RGL1: variants seen among roughly 807,000 people sequenced by gnomAD.
RGL1 encodes ral guanine nucleotide dissociation stimulator like 1, also known as ral guanine nucleotide dissociation stimulator-like 1.
RGL1 carries 24 observed loss-of-function variants against 95.2 expected under a neutral mutation model. That is an observed-to-expected ratio of 0.25 (90% CI 0.18 to 0.35). The LOEUF is 0.35. Ranked by LOEUF, RGL1 falls within the 10% of genes least tolerant of loss-of-function variation. RGL1 has a pLI of 1.00. For synonymous variants in RGL1, 329 were observed against 344.9 expected, an observed-to-expected ratio of 0.95 and a Z score of 0.51; for missense variants, 715 against 936.3, an observed-to-expected ratio of 0.76 and a Z score of 3.08.
At chr1:183,890,507 C>T (rs12089853) in intron 8 of RGL1, among the ~76,000 whole-genome samples, 4 of 152,190 alleles carry the variant, frequency 2.6e-5, no homozygotes, top group African/African-American at 9.7e-5. Context: ...AGAAGTGTCA[C>T]AGTTCCTTAG....
At chr1:183,772,704 T>G (rs1231318004) in intron 2 of RGL1, among the ~76,000 whole-genome samples, 1 of 152,014 alleles carries the variant, frequency 6.6e-6, no homozygotes, top group Non-Finnish European at 1.5e-5. Context: ...ACAGTTAACA[T>G]TCTTTAAAAA....
At chr1:183,681,760 C>A (rs1653232065) in intron 1 of RGL1, among the ~76,000 whole-genome samples, 1 of 152,180 alleles carries the variant, frequency 6.6e-6, no homozygotes, top group Non-Finnish European at 1.5e-5. Context: ...ATACCACCTC[C>A]TCTATGAACC....
At chr1:183,849,395 G>T (rs1270609847) in intron 3 of RGL1, among the ~76,000 whole-genome samples, 1 of 150,906 alleles carries the variant, frequency 6.6e-6, no homozygotes, top group African/African-American at 2.4e-5. Context: ...ACGTGTAGAT[G>T]AATCTATCAT....
Position 183,731,745 on chromosome 1 carries a change from T to A in RGL1, c.-32-10381T>A, listed in dbSNP as rs191279474. Among the ~76,000 whole-genome samples the A allele has an allele frequency of 2.8e-3, 425 of 152,324 alleles. 1 individual carries two copies. Among genetic ancestry groups the A allele is most frequent in the Non-Finnish European group, 4.5e-3 (309 of 68,024 alleles). On this transcript the variant is annotated intron_variant, in intron 1 of 18. Coordinates refer to the RGL1 transcript ENST00000304685. ...AATTTCTCTGAGCTTCAGTTTCATC[T>A]GGATGGGGAATTAATACTTACCTCA...
intron 14 of RGL1, among the ~76,000 whole-genome samples, chr1:183,907,403 A>T (rs1668400376): frequency 6.6e-6 from 1 of 152,030 alleles, no homozygotes; most frequent in African/African-American, 2.4e-5. Flanking sequence ...GTTGTCTTTT[A>T]AAATGTACAC....
At chr1:183,666,139 G>A (rs1345020522) in intron 1 of RGL1, among the ~76,000 whole-genome samples, 1 of 151,320 alleles carries the variant, frequency 6.6e-6, no homozygotes. Context: ...CAGAGTAGCT[G>A]GGATTACAGG....
chr1:183,731,238 T>G (rs2102230036), intron 1 of RGL1, among the ~76,000 whole-genome samples: 1 of 152,302 alleles, frequency 6.6e-6, no homozygotes, highest in Non-Finnish European at 1.5e-5. Flanking sequence ...TAAAAATAAC[T>G]AGACTTACAG....
chr1:183,755,776 A>G, intron 2 of RGL1, among the ~76,000 whole-genome samples: 1 of 152,180 alleles, frequency 6.6e-6, no homozygotes, highest in East Asian at 1.9e-4. Context: ...AAGTGTCCAC[A>G]GGTATTTCGA....
At chr1:183,762,649 T>C (rs762661203) in intron 2 of RGL1, among the ~76,000 whole-genome samples, 11 of 152,234 alleles carry the variant, frequency 7.2e-5, no homozygotes, top group Non-Finnish European at 1.2e-4. Flanking sequence ...AAGCTCATCA[T>C]CACTGGTCAT....
intron 2 of RGL1, among the ~76,000 whole-genome samples, chr1:183,752,162 C>G (rs972681763): frequency 1.3e-5 from 2 of 152,148 alleles, no homozygotes; most frequent in Non-Finnish European, 2.9e-5. Context: ...AATTTATGCT[C>G]TCATCCACAG....
intron 2 of RGL1, among the ~76,000 whole-genome samples, chr1:183,841,756 T>G (rs1446791560): frequency 6.6e-6 from 1 of 152,228 alleles, no homozygotes; most frequent in Non-Finnish European, 1.5e-5. Context: ...AAGAAATTTA[T>G]GCAGTTGAGT....
At chr1:183,825,145 T>C (rs891239080) in intron 2 of RGL1, among the ~76,000 whole-genome samples, 2 of 152,208 alleles carry the variant, frequency 1.3e-5, no homozygotes, top group Non-Finnish European at 2.9e-5. Context: ...ACAGGGATTC[T>C]GTGAAGAACT....
chr1:183,900,412 C>T (rs1244987371), intron 11 of RGL1, among the ~76,000 whole-genome samples, 176 bp downstream of exon 11: 3 of 152,172 alleles, frequency 2.0e-5, no homozygotes, highest in African/African-American at 7.2e-5. Flanking sequence ...GGCTCAAAAT[C>T]CAGTGGAAGT....
Position 183,878,039 on chromosome 1 carries a change from A to T in RGL1, c.426-2577A>T, listed in dbSNP as rs79710361. On this transcript the variant is annotated intron_variant, in intron 4 of 17. Transcript: ENST00000360851. ...TTAAATACCTGCCTTCCAGTAGAAG[A>T]ATACTTAATTATGGTGTGTCCACAT... Among the ~76,000 whole-genome samples the T allele has an allele frequency of 3.0e-4, 45 of 152,312 alleles. 1 individual carries two copies. In the East Asian group the frequency reaches 8.5e-3, roughly 29 times the overall value.
intron 2 of RGL1, among the ~76,000 whole-genome samples, chr1:183,751,507 G>T (rs533929923): frequency 2.0e-5 from 3 of 152,152 alleles, no homozygotes; most frequent in Non-Finnish European, 2.9e-5. Flanking sequence ...TTGACCTGCT[G>T]AGTGAGACCA....
chr1:183,910,088 T>G (rs891513401), intron 14 of RGL1, among the ~76,000 whole-genome samples: 6 of 152,114 alleles, frequency 3.9e-5, no homozygotes, highest in African/African-American at 7.2e-5. Flanking sequence ...CTTTCTTCTT[T>G]CCTTCCTTCC....
chr1:183,892,929 A>C (rs1405578628), intron 9 of RGL1, among the ~76,000 whole-genome samples: 2 of 152,272 alleles, frequency 1.3e-5, no homozygotes, highest in Non-Finnish European at 2.9e-5. Context: ...GTAGATAGCC[A>C]AGACTCAGAG....
chr1:183,843,514 C>T (rs1260778831), intron 2 of RGL1, among the ~76,000 whole-genome samples: 2 of 152,176 alleles, frequency 1.3e-5, no homozygotes, highest in Non-Finnish European at 2.9e-5. Flanking sequence ...GGAAATGGGA[C>T]CCACTTCATC....
intron 3 of RGL1, among the ~76,000 whole-genome samples, chr1:183,864,712 C>A (rs966091214): frequency 1.4e-4 from 22 of 152,070 alleles, no homozygotes; most frequent in Non-Finnish European, 1.8e-4. Context: ...GGGTGGAGAC[C>A]AGTGGAAAAT....
Sources: gnomAD v4.1 joint callset for allele counts (sites outside exome capture counted in the v4.1 genomes callset) on GRCh38, gnomAD v4.1.1 for gene constraint, MANE v1.5 for transcripts, NCBI Gene and HGNC (gene_info 2026-07-23, HGNC 2026-07-21) for gene names.